TTC27: variants seen among roughly 807,000 people sequenced by gnomAD.
TTC27 encodes tetratricopeptide repeat protein 27.
In TTC27, 79 loss-of-function variants were observed where a neutral mutation model predicts 115.9. That is an observed-to-expected ratio of 0.68 (90% CI 0.57 to 0.82). The LOEUF (loss-of-function observed/expected upper bound fraction) is 0.82, where lower values mean the gene tolerates loss of function less well. Ranked by LOEUF, TTC27 falls within the 40% of genes least tolerant of loss-of-function variation. The pLI is 0.00. For missense variants in TTC27, 1,054 were observed against 993.1 expected (o/e 1.06, Z -0.82); for synonymous variants, 401 against 356.0 (o/e 1.13, Z -1.42).
chr2:32,711,811 G>A (rs1368688497), intron 10 of TTC27, among the ~76,000 whole-genome samples: 1 of 151,992 alleles, frequency 6.6e-6, no homozygotes, highest in South Asian at 2.1e-4. Flanking sequence ...GTGGTGGCAG[G>A]CACCTGTAAT....
intron 6 of TTC27, among the ~76,000 whole-genome samples, chr2:32,665,948 T>C (rs908814055): frequency 6.6e-6 from 1 of 152,162 alleles, no homozygotes; most frequent in Non-Finnish European, 1.5e-5. Context: ...TTTCAGTGGC[T>C]ATCTTCAGCA....
At chr2:32,752,305 T>C (rs1202294017) in intron 12 of TTC27, among the ~76,000 whole-genome samples, 2 of 152,250 alleles carry the variant, frequency 1.3e-5, no homozygotes, top group Non-Finnish European at 2.9e-5. Context: ...TAGGGGTAGA[T>C]GAGCAGGTTG....
intron 9 of TTC27, among the ~76,000 whole-genome samples, chr2:32,689,882 TAATC>T (rs1402958928): frequency 3.3e-5 from 5 of 152,212 alleles, no homozygotes; most frequent in African/African-American, 9.6e-5. Context: ...CAACTTGTGT[TAATC>T]AATATAAAAA....
At chr2:32,743,746 G>C (rs1047023180) in intron 12 of TTC27, among the ~76,000 whole-genome samples, 2 of 152,058 alleles carry the variant, frequency 1.3e-5, no homozygotes, top group Admixed American at 6.5e-5. Context: ...GGTTAGAAGG[G>C]CATGTGAAAT....
At chr2:32,772,271 G>C (rs1004864162) in intron 13 of TTC27, among the ~76,000 whole-genome samples, 1 of 152,152 alleles carries the variant, frequency 6.6e-6, no homozygotes, top group Non-Finnish European at 1.5e-5. Context: ...GAACCATTGT[G>C]TGGCTTTAAG....
intron 5 of TTC27, among the ~76,000 whole-genome samples, chr2:32,661,360 A>C (rs911224300): frequency 6.6e-5 from 10 of 152,194 alleles, no homozygotes; most frequent in African/African-American, 2.4e-4. Context: ...TACTTTGGGC[A>C]ATATGGCCAT....
rs1224427610 is a variant in TTC27, at chr2:32,754,831, C to CA, written c.1453-3461_1453-3460insA. On this transcript the variant is annotated intron_variant, in intron 12 of 19. Coordinates refer to ENST00000317907, the MANE Select transcript of TTC27 (RefSeq NM_017735.5). ...GCTGGCTGGGCGGGGGGGCTGACCCCCCCCACCTCCCTCCCGGACGGGGCG... is the reference window on the plus strand; with the variant it reads ...GCTGGCTGGGCGGGGGGGCTGACCCCACCCCACCTCCCTCCCGGACGGGGCG... Among the ~76,000 whole-genome samples the CA allele has an allele frequency of 2.7e-5, 4 of 146,154 alleles. 1 individual carries two copies. The highest frequency in any genetic ancestry group is 1.0e-4 in the African/African-American group (4 of 39,530).
At chr2:32,803,879 C>T (rs1028043536) in intron 16 of TTC27, among the ~76,000 whole-genome samples, 2 of 151,896 alleles carry the variant, frequency 1.3e-5, no homozygotes, top group Non-Finnish European at 2.9e-5. Context: ...TGGTGGCATG[C>T]ATCTGTAGTC....
chr2:32,729,944 AG>A (rs1444909286), intron 10 of TTC27, among the ~76,000 whole-genome samples: 8 of 152,212 alleles, frequency 5.3e-5, no homozygotes, highest in African/African-American at 1.9e-4. Context: ...GGTAAGTGCA[AG>A]GGTAGGACAC....
At chr2:32,735,737 TG>T (rs1395852164) in intron 11 of TTC27, among the ~76,000 whole-genome samples, 1 of 152,218 alleles carries the variant, frequency 6.6e-6, no homozygotes, top group East Asian at 1.9e-4. Context: ...TACTGCTCAC[TG>T]CATAAGCACC....
intron 10 of TTC27, among the ~76,000 whole-genome samples, chr2:32,722,601 T>G (rs977937355): frequency 6.6e-6 from 1 of 152,314 alleles, no homozygotes; most frequent in South Asian, 2.1e-4. Context: ...GATTTAGAAG[T>G]CCATGCTTTT....
chr2:32,636,781 G>A (rs1300105596), intron 3 of TTC27, among the ~76,000 whole-genome samples: 2 of 152,186 alleles, frequency 1.3e-5, no homozygotes, highest in Admixed American at 1.3e-4. Context: ...AGAGATTTGT[G>A]GAAGCTGGAT....
intron 14 of TTC27, 26 bp downstream of exon 14, chr2:32,778,006 T>TA (rs1280952571): frequency 1.2e-6 from 2 of 1,607,442 alleles, no homozygotes; most frequent in Admixed American, 3.3e-5. Flanking sequence ...CTTCTGTCCT[T>TA]ACGTGGCTCT....
intron 5 of TTC27, among the ~76,000 whole-genome samples, chr2:32,664,060 G>C (rs1665667555): frequency 6.6e-6 from 1 of 152,076 alleles, no homozygotes; most frequent in African/African-American, 2.4e-5. Flanking sequence ...TATCTCCCAG[G>C]ATTGTGTGGA....
At chr2:32,750,402 A>G (rs1029160847) in intron 12 of TTC27, among the ~76,000 whole-genome samples, 2 of 152,218 alleles carry the variant, frequency 1.3e-5, no homozygotes, top group Non-Finnish European at 2.9e-5. Context: ...TTCCAAGAGT[A>G]AAGGCTGTTG....
At chr2:32,745,054 CAAAAAAAAAAAAAA>C (rs57044153) in intron 12 of TTC27, among the ~76,000 whole-genome samples, 1 of 49,864 alleles carries the variant, frequency 2.0e-5, no homozygotes, top group Non-Finnish European at 3.3e-5. Context: ...AACTCTGTCT[CAAAAAAAAAAAAAA>C]AAAAAAAAAA....
chr2:32,630,485 T>A, intron 1 of TTC27, 38 bp from the exon 2 acceptor site: 2 of 1,417,132 alleles, frequency 1.4e-6, no homozygotes, highest in African/African-American at 1.4e-5. Flanking sequence ...TGAAAAATAA[T>A]TTTTTTTGGA....
chr2:32,817,593 A>G, intron 19 of TTC27, 36 bp downstream of exon 19: 2 of 1,558,814 alleles, frequency 1.3e-6, no homozygotes, highest in Non-Finnish European at 8.8e-7. Flanking sequence ...GAATTGTCAT[A>G]TAGAAAAAGG....
chr2:32,661,320 C>G (rs1299778990), intron 5 of TTC27, among the ~76,000 whole-genome samples: 4 of 152,184 alleles, frequency 2.6e-5, no homozygotes, highest in African/African-American at 9.6e-5. Flanking sequence ...TCAATGGTAG[C>G]TTGATGGGGA....
Sources: allele counts gnomAD v4.1 joint callset (sites outside exome capture counted in the v4.1 genomes callset), GRCh38; gene constraint gnomAD v4.1.1; transcripts MANE v1.5; gene names NCBI Gene and HGNC (gene_info 2026-07-23, HGNC 2026-07-21).